Variants in TAFA4 observed in about 807,000 individuals in gnomAD.
TAFA4 encodes the protein TAFA chemokine like family member 4.
In TAFA4, 20 loss-of-function variants were observed where a neutral mutation model predicts 21.1. That is an observed-to-expected ratio of 0.95 (90% CI 0.67 to 1.38). The LOEUF is 1.38. Among genes scored for constraint, TAFA4 ranks in the 40% most tolerant of loss-of-function variants. The pLI is 0.00. For synonymous variants in TAFA4, 71 were observed against 67.4 expected (o/e 1.05, Z -0.26); for missense variants, 211 against 180.9 (o/e 1.17, Z -0.95).
chr3:68,759,613 T>G (rs1049770420), intron 3 of TAFA4, among the ~76,000 whole-genome samples: 18 of 152,172 alleles, frequency 1.2e-4, no homozygotes, highest in Non-Finnish European at 2.4e-4. Context: ...CATAATGGTG[T>G]GGCGATCCAT....
At chr3:68,930,270 A>C (rs1467553041) in intron 1 of TAFA4, among the ~76,000 whole-genome samples, 1 of 152,242 alleles carries the variant, frequency 6.6e-6, no homozygotes, top group African/African-American at 2.4e-5. Flanking sequence ...GTTGCCTTCA[A>C]TGAAAAATAT....
intron 5 of TAFA4, among the ~76,000 whole-genome samples, chr3:68,735,112 C>T (rs1399303043): frequency 6.6e-6 from 1 of 151,994 alleles, no homozygotes; most frequent in Non-Finnish European, 1.5e-5. Context: ...TCAAGTCTGA[C>T]TATAGAGATC....
At chr3:68,786,111 C>A (rs377112955) in intron 3 of TAFA4, among the ~76,000 whole-genome samples, 9 of 152,050 alleles carry the variant, frequency 5.9e-5, no homozygotes, top group African/African-American at 1.9e-4. Context: ...ATTAATAAAG[C>A]AAATTGCTGG....
At chr3:68,833,535 A>G (rs574319257) in intron 3 of TAFA4, among the ~76,000 whole-genome samples, 44 of 152,300 alleles carry the variant, frequency 2.9e-4, no homozygotes, top group African/African-American at 9.1e-4. Flanking sequence ...TACCTAAAGC[A>G]TTTAGGCACT....
intron 1 of TAFA4, among the ~76,000 whole-genome samples, chr3:68,894,594 G>A (rs2089767378): frequency 6.6e-6 from 1 of 152,180 alleles, no homozygotes; most frequent in African/African-American, 2.4e-5. Flanking sequence ...AAATTAACAA[G>A]ACTGATTCTT....
intron 3 of TAFA4, among the ~76,000 whole-genome samples, chr3:68,835,985 A>T (rs912473612): frequency 6.6e-6 from 1 of 152,226 alleles, no homozygotes; most frequent in African/African-American, 2.4e-5. Flanking sequence ...CTGTGCGCAA[A>T]TTACAGTGTA....
At chr3:68,851,496 C>G (rs552042853) in intron 3 of TAFA4, among the ~76,000 whole-genome samples, 2 of 152,144 alleles carry the variant, frequency 1.3e-5, no homozygotes, top group African/African-American at 4.8e-5. Flanking sequence ...AAATAATAAA[C>G]ATAAATTCAA....
At chr3:68,798,671 T>C (rs534626219) in intron 3 of TAFA4, among the ~76,000 whole-genome samples, 1 of 152,332 alleles carries the variant, frequency 6.6e-6, no homozygotes, top group African/African-American at 2.4e-5. Context: ...ATAATTCATA[T>C]ACCATACAAT....
rs1702174557 is a variant in TAFA4 at position 68,732,903 on chromosome 3, G to C, written c.*239C>G. 3 of 521,124 alleles carry C rather than the reference G, an allele frequency of 5.8e-6. No individual in the cohort carries two copies. Among genetic ancestry groups the C allele is most frequent in the Middle Eastern group, 3.4e-4 (1 of 2,930 alleles). The allele number at this position is 521,124 out of a possible 1,614,324, so 32.3% of individuals were successfully genotyped here. On this transcript the variant is annotated 3_prime_UTR_variant, in exon 6 of 6. Coordinates refer to ENST00000295569, the MANE Select transcript of TAFA4 (RefSeq NM_182522.5). ...TCGGATTTTGGAGGTATGCTCCTTGGGAATCCAGAGAGGATGTCAAATGGG... is the reference window on the plus strand; with the variant it reads ...TCGGATTTTGGAGGTATGCTCCTTGCGAATCCAGAGAGGATGTCAAATGGG...
intron 4 of TAFA4, among the ~76,000 whole-genome samples, chr3:68,751,425 A>T (rs984181140): frequency 6.6e-6 from 1 of 152,118 alleles, no homozygotes; most frequent in Non-Finnish European, 1.5e-5. Flanking sequence ...GGATGGAGAA[A>T]AGTGGGCTGA....
rs528170380 is a variant in TAFA4 at position 68,911,539 on chromosome 3, C to A, written c.-123+20701G>T. 1.3e-3 allele frequency among the ~76,000 whole-genome samples: 199 copies of A among 152,290 alleles called. 2 individuals are homozygous for A. The highest frequency in any genetic ancestry group is 4.3e-4 in the Non-Finnish European group (29 of 68,024). On this transcript the variant is annotated intron_variant, in intron 1 of 5. Coordinates refer to ENST00000295569, the MANE Select transcript of TAFA4 (RefSeq NM_182522.5). ...GAGAGGTTAAATGATTTGCTCAAGG[C>A]CACACAAATCGCCCAAACCAATCAT...
At chr3:68,798,079 A>G (rs1703490932) in intron 3 of TAFA4, among the ~76,000 whole-genome samples, 2 of 152,220 alleles carry the variant, frequency 1.3e-5, no homozygotes, top group African/African-American at 2.4e-5. Context: ...CAAGGATTTC[A>G]TCACACAGTA....
At chr3:68,746,727 A>G (rs894117228) in intron 4 of TAFA4, among the ~76,000 whole-genome samples, 1 of 152,316 alleles carries the variant, frequency 6.6e-6, no homozygotes. Flanking sequence ...TAGTTCCACA[A>G]AGTACACAGA....
intron 3 of TAFA4, among the ~76,000 whole-genome samples, chr3:68,871,788 G>A (rs2089485705): frequency 1.3e-5 from 2 of 151,920 alleles, no homozygotes; most frequent in African/African-American, 4.8e-5. Context: ...TGACCAACAG[G>A]TATATGAAAA....
rs1399773162 is a variant in TAFA4, at chr3:68,809,844, T to G, written c.131-56826A>C. Among the ~76,000 whole-genome samples the G allele has an allele frequency of 7.9e-5, 12 of 152,234 alleles. No homozygotes were observed. The East Asian group carries it at 2.3e-3, about 29-fold the overall frequency. The stretch of plus-strand genomic sequence containing the variant: ...CCCACTGTGTGTTGGCATTGTGTTT[T>G]GGCACCTTTGTCAAAAATCATTGGT... On this transcript the variant is annotated intron_variant, in intron 3 of 5. Transcript: ENST00000295569.
chr3:68,881,956 C>T (rs2106951939), intron 2 of TAFA4, among the ~76,000 whole-genome samples: 1 of 152,306 alleles, frequency 6.6e-6, no homozygotes, highest in Non-Finnish European at 1.5e-5. Context: ...TACGCCGAGG[C>T]ACACACATGT....
intron 3 of TAFA4, among the ~76,000 whole-genome samples, chr3:68,826,035 T>TG (rs1368955488): frequency 6.6e-6 from 1 of 151,970 alleles, no homozygotes; most frequent in Admixed American, 6.6e-5. Context: ...CTCTAGATAA[T>TG]GAAGTGAGTT....
At chr3:68,901,611 T>C (rs886098710) in intron 1 of TAFA4, among the ~76,000 whole-genome samples, 1 of 152,220 alleles carries the variant, frequency 6.6e-6, no homozygotes, top group Non-Finnish European at 1.5e-5. Flanking sequence ...ATATATCAAG[T>C]GCTCAATAGC....
chr3:68,916,283 T>C (rs2090004511), intron 1 of TAFA4: 1 of 152,248 alleles, frequency 6.6e-6, no homozygotes, highest in African/African-American at 2.4e-5. Flanking sequence ...ACTTCAATAT[T>C]GGCAATTTGG....
Sources: allele counts gnomAD v4.1 joint callset (sites outside exome capture counted in the v4.1 genomes callset), GRCh38; gene constraint gnomAD v4.1.1; transcripts MANE v1.5; gene names NCBI Gene and HGNC (gene_info 2026-07-23, HGNC 2026-07-21).